The following GPR149 variants were observed in gnomAD, a reference collection of about 807,000 sequenced individuals.
GPR149 encodes G protein-coupled receptor 149.
GPR149 carries 50 observed loss-of-function variants against 50.2 expected under a neutral mutation model. The ratio of observed to expected loss-of-function variants is 1.00; its 90% CI spans 0.79 to 1.26. GPR149 has a LOEUF of 1.26. GPR149 is among the 50% of genes most tolerant of loss of function. The pLI is 0.00. For synonymous variants in GPR149, 405 were observed against 358.2 expected (o/e 1.13, Z -1.48); for missense variants, 983 against 895.4 (o/e 1.10, Z -1.25).
In GPR149 at chr3:154,421,370, A is replaced by G. The variant is rs1559991252; in HGVS notation, c.1292T>C (p.Met431Thr). 4 of 1,612,832 alleles carry G rather than the reference A, an allele frequency of 2.5e-6. No individual in the cohort carries two copies. The highest frequency in any genetic ancestry group is 3.4e-6 in the Non-Finnish European group (4 of 1,179,204). Residue 431 changes from methionine (M) to threonine (T), a missense_variant, in exon 3 of 4, where the codon ATG (methionine) becomes ACG (threonine). By Grantham distance (81) the Met-to-Thr change is moderately conservative. Coordinates refer to ENST00000389740, the MANE Select transcript of GPR149 (RefSeq NM_001038705.3). ...TTTTGTAGTTTCACACTCAGAGTTCATCAGGTTGTGATAGAATATGGAATT... is the reference window on the plus strand; with the variant it reads ...TTTTGTAGTTTCACACTCAGAGTTCGTCAGGTTGTGATAGAATATGGAATT... The part of the protein sequence containing the change: ...DENSIFYHNL[M>T]NSECETTKDP...
intron 3 of GPR149, chr3:154,353,750 T>C: frequency 1.2e-6 from 1 of 828,468 alleles, no homozygotes. Context: ...AGTCTTTCAA[T>C]CAAGGGGATG....
Position 154,335,729 on chromosome 3 carries a change from T to G in GPR149, c.*1970A>C, listed in dbSNP as rs1288860886. On this transcript the variant is annotated 3_prime_UTR_variant, in exon 4 of 4. Coordinates refer to ENST00000389740, the MANE Select transcript of GPR149 (RefSeq NM_001038705.3). ...TTAATGCTCTTTAAACCTTGATTTC[T>G]GTTATAATCTCCATCCCATTCAAAT... is the stretch of plus-strand genomic sequence containing the variant. The G allele has an allele frequency of 1.3e-5, 2 of 152,208 alleles. No individual in the cohort carries two copies. Among genetic ancestry groups the G allele is most frequent in the Non-Finnish European group, 2.9e-5 (2 of 67,998 alleles). 9.4% of individuals were successfully genotyped at this position (152,208 alleles called of 1,614,324 possible). A position where few individuals can be genotyped will look rare whatever the true frequency, so the allele number is the denominator to read the frequency against.
intron 3 of GPR149, chr3:154,354,865 G>T: frequency 4.1e-6 from 1 of 243,888 alleles, no homozygotes; most frequent in Non-Finnish European, 8.2e-6. Flanking sequence ...CAGCATGGAA[G>T]GAAGCTGGGC....
At chr3:154,402,524 A>T (rs10935986) in intron 3 of GPR149, among the ~76,000 whole-genome samples, 45 of 25,512 alleles carry the variant, frequency 1.8e-3, no homozygotes, top group East Asian at 4.1e-3. Context: ...TCAAAGATCC[A>T]TGAAAGTTTC....
At chr3:154,384,161 GA>G (rs1292426312) in intron 3 of GPR149, among the ~76,000 whole-genome samples, 1 of 151,978 alleles carries the variant, frequency 6.6e-6, no homozygotes, top group African/African-American at 2.4e-5. Flanking sequence ...AAACTTAAAG[GA>G]CATTTAGAAA....
chr3:154,343,563 C>T (rs1416732587), intron 3 of GPR149, among the ~76,000 whole-genome samples: 1 of 152,042 alleles, frequency 6.6e-6, no homozygotes, highest in Non-Finnish European at 1.5e-5. Flanking sequence ...GGTTAAGAGA[C>T]AGGAGACAAG....
At chr3:154,419,641 G>A (rs1257327994) in intron 3 of GPR149, among the ~76,000 whole-genome samples, 3 of 152,032 alleles carry the variant, frequency 2.0e-5, no homozygotes, top group South Asian at 2.1e-4. Flanking sequence ...TCTGTAAGGG[G>A]TAATCACGAG....
At chr3:154,382,543 T>A (rs545174640) in intron 3 of GPR149, among the ~76,000 whole-genome samples, 1 of 152,358 alleles carries the variant, frequency 6.6e-6, no homozygotes, top group African/African-American at 2.4e-5. Context: ...AATTTTTCAA[T>A]TATCAAAATA....
At chr3:154,386,974 T>A (rs1054601944) in intron 3 of GPR149, among the ~76,000 whole-genome samples, 1 of 11,400 alleles carries the variant, frequency 8.8e-5, no homozygotes, top group Admixed American at 1.2e-3. Flanking sequence ...ATTTTTCTCC[T>A]TTTTTTTTCC....
rs184665796 is a variant in GPR149, at chr3:154,429,809, C to A, written c.-194G>T. 311 of 411,470 alleles carry A rather than the reference C, an allele frequency of 7.6e-4. No homozygotes were observed. Among genetic ancestry groups the A allele is most frequent in the African/African-American group, 7.0e-3 (289 of 41,194 alleles). The allele number at this position is 411,470 out of a possible 1,614,324, so 25.5% of individuals were successfully genotyped here. On this transcript the variant is annotated 5_prime_UTR_variant, in exon 1 of 4. It introduces an in-frame stop codon into an upstream open reading frame of the 5' UTR. Coordinates refer to ENST00000389740, the MANE Select transcript of GPR149 (RefSeq NM_001038705.3). ...TCAAGCTATATTTAAAAATTAGGTT[C>A]CATTTCAAGCATAAAAAAAAAAAAA...
At chr3:154,395,844 T>C (rs1715280894) in intron 3 of GPR149, among the ~76,000 whole-genome samples, 1 of 152,184 alleles carries the variant, frequency 6.6e-6, no homozygotes, top group Non-Finnish European at 1.5e-5. Flanking sequence ...GATTTCTTTA[T>C]AGAAAAACAC....
rs1713675377 is a variant in GPR149 at position 154,337,244 on chromosome 3, G to C, written c.*455C>G. Among the ~76,000 whole-genome samples the C allele has an allele frequency of 6.6e-6, 1 of 152,088 alleles. No individual in the cohort carries two copies. Among genetic ancestry groups the C allele is most frequent in the Non-Finnish European group, 1.5e-5 (1 of 67,990 alleles). ...AAGCTTGTTTTGCTAGCCACATTTA[G>C]GCAAGTTCCTTCAAATATAATTTGG... On this transcript the variant is annotated 3_prime_UTR_variant, in exon 4 of 4. Transcript: ENST00000389740.
chr3:154,380,938 T>G (rs1302981586), intron 3 of GPR149, among the ~76,000 whole-genome samples: 2 of 152,164 alleles, frequency 1.3e-5, no homozygotes, highest in Non-Finnish European at 2.9e-5. Context: ...GATATTATGC[T>G]CAAAACCAGT....
At chr3:154,409,105 G>A (rs1711769088) in intron 3 of GPR149, among the ~76,000 whole-genome samples, 1 of 152,210 alleles carries the variant, frequency 6.6e-6, no homozygotes, top group South Asian at 2.1e-4. Flanking sequence ...GCTCTGCTGG[G>A]TGGCTAGACC....
rs1027409618 is a variant in GPR149, at chr3:154,336,795, T to C, written c.*904A>G. On this transcript the variant is annotated 3_prime_UTR_variant, in exon 4 of 4. Transcript: ENST00000389740. ...CCTCAGCTTTAAAAACAGATACTTT[T>C]GTTTTAGACTTAGAGGATTTTGCTC... The C allele has an allele frequency of 3.6e-4, 55 of 152,134 alleles. No homozygotes were observed. The highest frequency in any genetic ancestry group is 7.9e-4 in the Admixed American group (12 of 15,268). The allele number at this position is 152,134 out of a possible 1,614,324, so 9.4% of individuals were successfully genotyped here.
intron 3 of GPR149, among the ~76,000 whole-genome samples, chr3:154,377,045 TA>T (rs34219325): frequency 0.26 from 33,994 of 128,346 alleles, 4,840 homozygotes; most frequent in East Asian, 0.68. Context: ...AGCCCTGAAT[TA>T]AAAAAAAAAA....
chr3:154,411,094 T>C (rs1711819692), intron 3 of GPR149, among the ~76,000 whole-genome samples: 1 of 152,132 alleles, frequency 6.6e-6, no homozygotes, highest in South Asian at 2.1e-4. Context: ...TGAATGACTA[T>C]TGGGTCAAAA....
rs201908731 is a variant in GPR149, at chr3:154,421,190, G to A, written c.1472C>T (p.Ala491Val). ...AKQDSNNKKDAFSDKTGGDIN... is the reference protein window; with the variant it reads ...AKQDSNNKKDVFSDKTGGDIN... Reference sequence around the variant, plus strand: ...ATCACCTCCTGTTTTGTCAGAAAACGCATCCTTTTTGTTGTTGGAATCCTG... The same window carrying A: ...ATCACCTCCTGTTTTGTCAGAAAACACATCCTTTTTGTTGTTGGAATCCTG... The change falls in exon 3 of 4, where the codon GCG becomes GTG. Residue 491 changes from alanine to valine, a missense_variant. Coordinates refer to ENST00000389740, the MANE Select transcript of GPR149 (RefSeq NM_001038705.3). 4.3e-6 allele frequency: 7 copies of A among 1,613,388 alleles called. No individual in the cohort carries two copies. The highest frequency in any genetic ancestry group is 3.3e-4 in the Middle Eastern group (2 of 6,062).
intron 3 of GPR149, among the ~76,000 whole-genome samples, chr3:154,381,186 AC>A (rs1714914188): frequency 6.6e-6 from 1 of 152,206 alleles, no homozygotes; most frequent in African/African-American, 2.4e-5. Flanking sequence ...AGGTTAAAAT[AC>A]TTATACTGAA....
Sources: allele counts gnomAD v4.1 joint callset (sites outside exome capture counted in the v4.1 genomes callset), GRCh38; gene constraint gnomAD v4.1.1; transcripts MANE v1.5; gene names NCBI Gene and HGNC (gene_info 2026-07-23, HGNC 2026-07-21).